The following ANO3 variants were observed in gnomAD, a reference collection of about 807,000 sequenced individuals.
The protein encoded by ANO3 is anoctamin 3, also known as anoctamin-3.
Under a neutral mutation model 144.8 loss-of-function variants are expected in ANO3, and 99 were observed. The ratio of observed to expected loss-of-function variants is 0.68; its 90% CI spans 0.58 to 0.81. The LOEUF (loss-of-function observed/expected upper bound fraction) is 0.81. Among genes scored for constraint, ANO3 ranks in the 30% least tolerant of loss-of-function variants. The pLI, the probability that ANO3 is intolerant of heterozygous loss-of-function variation, is 0.00. For missense variants in ANO3, 905 were observed against 1,202.2 expected (o/e 0.75, Z 3.66); for synonymous variants, 414 against 392.6 (o/e 1.05, Z -0.64).
At chr11:26,608,722 T>C (rs1340782114) in intron 17 of ANO3, among the ~76,000 whole-genome samples, 2 of 152,118 alleles carry the variant, frequency 1.3e-5, no homozygotes, top group Non-Finnish European at 2.9e-5. Context: ...GTACTCTGGC[T>C]GCAGTCTGCC....
At chr11:26,431,131 A>T (rs183163768) in intron 1 of ANO3, among the ~76,000 whole-genome samples, 16 of 152,352 alleles carry the variant, frequency 1.1e-4, no homozygotes, top group Admixed American at 3.3e-4. Context: ...TTTTAACTTC[A>T]TTTAATCATA....
intron 10 of ANO3, among the ~76,000 whole-genome samples, chr11:26,541,385 G>A (rs369902292): frequency 2.4e-4 from 36 of 152,228 alleles, no homozygotes; most frequent in Admixed American, 5.9e-4. Flanking sequence ...CATGGCACAT[G>A]TATACCTATG....
rs1412665847 is a variant in ANO3, at chr11:26,626,121, G to T, written c.1873+1623G>T. 3.3e-5 allele frequency among the ~76,000 whole-genome samples: 5 copies of T among 152,144 alleles called. No homozygotes were observed. The East Asian group carries it at 5.8e-4, about 18-fold the overall frequency. On this transcript the variant is annotated intron_variant, in intron 18 of 26. Coordinates refer to ENST00000256737, the MANE Select transcript of ANO3 (RefSeq NM_031418.4). ...TTGCACAGGACCTGTTTTGATTTTT[G>T]TTATTTGTTTATACTCTAGAATAAT...
At chr11:26,540,269 T>C (rs1455795559) in intron 10 of ANO3, among the ~76,000 whole-genome samples, 1 of 152,206 alleles carries the variant, frequency 6.6e-6, no homozygotes, top group African/African-American at 2.4e-5. Context: ...GATGCAAGGC[T>C]GGTTCAACAT....
At chr11:26,433,452 G>A (rs181820743) in intron 1 of ANO3, among the ~76,000 whole-genome samples, 2 of 152,096 alleles carry the variant, frequency 1.3e-5, no homozygotes, top group South Asian at 4.1e-4. Context: ...TGGTGAGAGA[G>A]GGCATCCTTG....
intron 10 of ANO3, among the ~76,000 whole-genome samples, chr11:26,539,708 T>C (rs1472100633): frequency 2.0e-5 from 3 of 152,174 alleles, no homozygotes; most frequent in African/African-American, 7.2e-5. Context: ...CAAGGAATAT[T>C]CTGATGAGCT....
At chr11:26,636,801 A>G (rs1357629115) in intron 20 of ANO3, among the ~76,000 whole-genome samples, 1 of 152,214 alleles carries the variant, frequency 6.6e-6, no homozygotes, top group East Asian at 1.9e-4. Flanking sequence ...GCTGGCTCAC[A>G]CTTCTATGCT....
intron 17 of ANO3, among the ~76,000 whole-genome samples, chr11:26,607,181 G>A (rs1851961691): frequency 6.6e-6 from 1 of 151,962 alleles, no homozygotes; most frequent in African/African-American, 2.4e-5. Flanking sequence ...TCCCTTTGTA[G>A]GTGACCTGAA....
At chr11:26,253,138 G>T (rs1349379322) in intron 1 of ANO3, among the ~76,000 whole-genome samples, 1 of 152,100 alleles carries the variant, frequency 6.6e-6, no homozygotes. Flanking sequence ...GGAAGCCATG[G>T]CTATGGTACA....
At chr11:26,195,301 G>A (rs1047998682) in intron 1 of ANO3, among the ~76,000 whole-genome samples, 3 of 152,160 alleles carry the variant, frequency 2.0e-5, no homozygotes, top group Non-Finnish European at 4.4e-5. Context: ...GAAGATATCA[G>A]GAGTCCTTGT....
intron 14 of ANO3, among the ~76,000 whole-genome samples, chr11:26,566,162 C>A (rs185689797): frequency 1.1e-4 from 16 of 151,918 alleles, no homozygotes; most frequent in African/African-American, 3.9e-4. Flanking sequence ...TTTCAAAGAC[C>A]ATTTAGCTTG....
At chr11:26,307,721 A>AAATAGT (rs367673562), upstream of ANO3, among the ~76,000 whole-genome samples, 8 of 142,512 alleles carry the variant, frequency 5.6e-5, no homozygotes, top group African/African-American at 2.0e-4. Context: ...CTCCGTCTCT[A>AAATAGT]AATAATAATA....
At chr11:26,500,844 G>A (rs1861165693) in intron 4 of ANO3, among the ~76,000 whole-genome samples, 1 of 151,668 alleles carries the variant, frequency 6.6e-6, no homozygotes, top group Admixed American at 6.6e-5. Flanking sequence ...AGTAGGGTCT[G>A]TAACAAGAGC....
intron 1 of ANO3, among the ~76,000 whole-genome samples, chr11:26,201,902 G>A (rs189440082): frequency 6.6e-6 from 1 of 151,480 alleles, no homozygotes; most frequent in Admixed American, 6.6e-5. Flanking sequence ...TGAACATATA[G>A]CTATCAAATG....
chr11:26,211,135 A>C (rs955002637), intron 1 of ANO3, among the ~76,000 whole-genome samples: 1 of 152,152 alleles, frequency 6.6e-6, no homozygotes, highest in Non-Finnish European at 1.5e-5. Flanking sequence ...AATGCAAAAG[A>C]ATGGAAATCA....
At chr11:26,578,010 CTA>C (rs1376740156) in intron 14 of ANO3, among the ~76,000 whole-genome samples, 1 of 152,160 alleles carries the variant, frequency 6.6e-6, no homozygotes, top group Non-Finnish European at 1.5e-5. Flanking sequence ...AGGCCTGCTA[CTA>C]TTGATCAAAA....
intron 1 of ANO3, among the ~76,000 whole-genome samples, chr11:26,354,969 G>A (rs1309607721): frequency 2.7e-5 from 4 of 150,322 alleles, no homozygotes; most frequent in African/African-American, 9.8e-5. Flanking sequence ...TAAAGGCCTA[G>A]CAATAATGTT....
chr11:26,351,598 C>T (rs534884629), intron 1 of ANO3, among the ~76,000 whole-genome samples: 1 of 152,162 alleles, frequency 6.6e-6, no homozygotes, highest in Non-Finnish European at 1.5e-5. Context: ...AATTTATAGA[C>T]AGAAAAAGGA....
intron 1 of ANO3, among the ~76,000 whole-genome samples, chr11:26,385,557 G>A (rs1306065767): frequency 6.6e-6 from 1 of 152,042 alleles, no homozygotes; most frequent in Non-Finnish European, 1.5e-5. Flanking sequence ...TCAACGCAGT[G>A]TAGCATCCTC....
Sources: allele counts gnomAD v4.1 joint callset (sites outside exome capture counted in the v4.1 genomes callset), GRCh38; gene constraint gnomAD v4.1.1; transcripts MANE v1.5; gene names NCBI Gene and HGNC (gene_info 2026-07-23, HGNC 2026-07-21).